AGMAT: variants seen among roughly 807,000 people sequenced by gnomAD.
The protein encoded by AGMAT is guanidino acid hydrolase, mitochondrial.
Under a neutral mutation model 29.3 loss-of-function variants are expected in AGMAT, and 37 were observed. The ratio of observed to expected loss-of-function variants is 1.26; its 90% confidence interval spans 0.97 to 1.66. The LOEUF (loss-of-function observed/expected upper bound fraction) is 1.66, where lower values mean the gene tolerates loss of function less well. AGMAT is among the 40% of genes most tolerant of loss of function. The pLI, the probability that AGMAT is intolerant of heterozygous loss-of-function variation, is 0.00. For missense variants in AGMAT, 498 were observed against 497.8 expected (o/e 1.00, Z 0.00); for synonymous variants, 199 against 200.8 (o/e 0.99, Z 0.08).
At chr1:15,577,286 C>T (rs1462446962) in intron 5 of AGMAT, among the ~76,000 whole-genome samples, 2 of 151,976 alleles carry the variant, frequency 1.3e-5, no homozygotes, top group Admixed American at 1.3e-4. Context: ...TAAAATCCTA[C>T]CTTGGCAGCC....
rs1553150128 is a variant in AGMAT at position 15,575,731 on chromosome 1, T to TTATA, written c.901-891_901-890insTATA. 6.2e-5 allele frequency: 8 copies of TTATA among 129,936 alleles called. No individual in the cohort carries two copies. In the South Asian group the frequency reaches 8.8e-4, roughly 14 times the overall value. 8.0% of individuals were successfully genotyped at this position (129,936 alleles called of 1,614,324 possible). A position where few individuals can be genotyped will look rare whatever the true frequency, so the allele number is the denominator to read the frequency against. The stretch of plus-strand genomic sequence containing the variant: ...GGTAATTGTGCCATCACATGCACTT[T>TTATA]TATTTATTTATTTATTTATTTATTT... On this transcript the variant is annotated intron_variant, in intron 5 of 6. Transcript: ENST00000375826.
At chr1:15,575,147 G>A in intron 5 of AGMAT, 1 of 224,102 alleles carries the variant, frequency 4.5e-6, no homozygotes, top group Non-Finnish European at 9.1e-6. Flanking sequence ...ATAGCCTGGA[G>A]AGGTGGGTAA....
At chr1:15,583,080 T>C in intron 2 of AGMAT, 113 bp downstream of exon 2, 1 of 908,098 alleles carries the variant, frequency 1.1e-6, no homozygotes, top group Non-Finnish European at 1.7e-6. Flanking sequence ...TCCTACTGTC[T>C]GCACATTTGC....
At chr1:15,582,231 A>C (rs1408511054) in intron 2 of AGMAT, among the ~76,000 whole-genome samples, 1 of 151,572 alleles carries the variant, frequency 6.6e-6, no homozygotes, top group Admixed American at 6.6e-5. Context: ...GTGCCATTGC[A>C]CTCCAGCCTG....
chr1:15,573,227 C>T lies in AGMAT; in HGVS notation c.*424G>A, dbSNP rs956280624. The T allele has an allele frequency of 1.3e-5, 2 of 156,682 alleles. No individual in the cohort carries two copies. Among genetic ancestry groups the T allele is most frequent in the Admixed American group, 1.3e-4 (2 of 15,802 alleles). 9.7% of individuals were successfully genotyped at this position (156,682 alleles called of 1,614,324 possible). On this transcript the variant is annotated 3_prime_UTR_variant, in exon 7 of 7. Transcript: ENST00000375826. ...TGAACCGAGATCATGCCATTGCACT[C>T]CAGCCTGGGTGACAAGCAAAACTCT...
rs36051155 is a variant in AGMAT at position 15,573,257 on chromosome 1, CA to C, written c.*393del. On this transcript the variant is annotated 3_prime_UTR_variant, in exon 7 of 7. Coordinates refer to ENST00000375826, the MANE Select transcript of AGMAT (RefSeq NM_024758.5). ...CTGGGTGACAAGCAAAACTCTATCT[CA>C]AAAAAAAAAATGTTTAAAAGGAAGA... 259 of 149,530 alleles carry C rather than the reference CA, an allele frequency of 1.7e-3. No individual in the cohort carries two copies. The highest frequency in any genetic ancestry group is 3.6e-3 in the South Asian group (18 of 5,050). The allele number at this position is 149,530 out of a possible 1,614,324, so 9.3% of individuals were successfully genotyped here. A position where few individuals can be genotyped will look rare whatever the true frequency, so the allele number is the denominator to read the frequency against.
At chr1:15,577,541 C>G (rs1195895497) in intron 5 of AGMAT, 144 bp downstream of exon 5, 1 of 878,418 alleles carries the variant, frequency 1.1e-6, no homozygotes. Context: ...CCACTGCACT[C>G]CAGCCTGGGC....
At chr1:15,582,285 A>T (rs1337346343) in intron 2 of AGMAT, among the ~76,000 whole-genome samples, 1 of 152,136 alleles carries the variant, frequency 6.6e-6, no homozygotes, top group African/African-American at 2.4e-5. Flanking sequence ...AGAAAAAAAA[A>T]AAAGATATGC....
In AGMAT at chr1:15,579,064, A is replaced by G. The variant is rs373707882; in HGVS notation, c.525-10T>C. The G allele has an allele frequency of 5.0e-6, 8 of 1,612,922 alleles. No homozygotes were observed. The highest frequency in any genetic ancestry group is 6.8e-6 in the Non-Finnish European group (8 of 1,179,522). ...CCCCACTGGGCCATGCCTGATGACA[A>G]CAGGGCAGCTCAGAGGCCAACCCTC... On this transcript the variant is annotated splice_polypyrimidine_tract_variant and intron_variant, in intron 3 of 6. Coordinates refer to ENST00000375826, the MANE Select transcript of AGMAT (RefSeq NM_024758.5).
At chr1:15,574,664 C>T in intron 6 of AGMAT, 93 bp downstream of exon 6, 1 of 1,150,924 alleles carries the variant, frequency 8.7e-7, no homozygotes, top group Non-Finnish European at 1.3e-6. Context: ...AGGCTTGGGC[C>T]ACCATGCCTG....
In AGMAT at chr1:15,581,247, C is replaced by CT. The variant is rs542841936; in HGVS notation, c.476-1106dup. 2.0e-4 allele frequency among the ~76,000 whole-genome samples: 31 copies of CT among 151,988 alleles called. 1 individual carries two copies. In the South Asian group the frequency reaches 6.2e-3, roughly 31 times the overall value. Reference sequence around the variant, plus strand: ...CCTGTAGACCCAGCTACTCGGGAGGCTGGAGTGGAAGGATCACCTGAGCCC... The same window carrying CT: ...CCTGTAGACCCAGCTACTCGGGAGGCTTGGAGTGGAAGGATCACCTGAGCCC... On this transcript the variant is annotated intron_variant, in intron 2 of 6. Coordinates refer to ENST00000375826, the MANE Select transcript of AGMAT (RefSeq NM_024758.5).
chr1:15,580,554 C>T (rs1639099064), intron 2 of AGMAT, among the ~76,000 whole-genome samples: 1 of 151,938 alleles, frequency 6.6e-6, no homozygotes, highest in Admixed American at 6.6e-5. Context: ...GGAGTTATAA[C>T]CACAGCTACA....
At chr1:15,582,266 CA>C (rs1176405737) in intron 2 of AGMAT, among the ~76,000 whole-genome samples, 2 of 135,752 alleles carry the variant, frequency 1.5e-5, no homozygotes, top group Admixed American at 7.6e-5. Flanking sequence ...AATTCTGTCT[CA>C]AAAAAAAAGA....
chr1:15,576,717 G>A (rs992099609), intron 5 of AGMAT, among the ~76,000 whole-genome samples: 1 of 115,738 alleles, frequency 8.6e-6, no homozygotes, highest in African/African-American at 3.1e-5. Context: ...CGTGAGCCAC[G>A]ACACCTGGCC....
At chr1:15,575,728 C>CA (rs1639028365) in intron 5 of AGMAT, 1 of 133,302 alleles carries the variant, frequency 7.5e-6, no homozygotes, top group South Asian at 2.6e-4. Flanking sequence ...ATCACATGCA[C>CA]TTTTATTTAT....
At position 15,583,206 on chromosome 1, in the gene AGMAT, A is replaced by T; in HGVS notation, c.462T>A (p.Ile154=). Residue 154 remains isoleucine (I), a synonymous_variant, in exon 2 of 7, where the codon ATT becomes ATA. Coordinates refer to ENST00000375826, the MANE Select transcript of AGMAT (RefSeq NM_024758.5). ...GACTGACATTACCCAAGGTCAGAGG[A>T]ATACAGCCAGCTGCTACAATTTTCT... ...AYEKIVAAGC[I]PLTLGGDHTI... is the part of the protein sequence containing the mutation. The T allele has an allele frequency of 6.2e-7, 1 of 1,614,036 alleles. No individual in the cohort carries two copies. The highest frequency in any genetic ancestry group is 8.5e-7 in the Non-Finnish European group (1 of 1,180,024).
Position 15,572,801 on chromosome 1 carries a change from C to T in AGMAT, c.*850G>A, listed in dbSNP as rs1638975969. 6.6e-6 allele frequency: 1 copy of T among 151,146 alleles called. No individual in the cohort carries two copies. Among genetic ancestry groups the T allele is most frequent in the Non-Finnish European group, 1.5e-5 (1 of 68,132 alleles). 9.4% of individuals were successfully genotyped at this position (151,146 alleles called of 1,614,324 possible). A position where few individuals can be genotyped will look rare whatever the true frequency, so the allele number is the denominator to read the frequency against. ...TAAAACCAAGATGCAGCCCTAAGCA[C>T]CTCATAGGAGAAGCTGTATTTTTTT... On this transcript the variant is annotated 3_prime_UTR_variant, in exon 7 of 7. Coordinates refer to ENST00000375826, the MANE Select transcript of AGMAT (RefSeq NM_024758.5).
rs1330151793 is a variant in AGMAT at position 15,579,021 on chromosome 1, C to T, written c.558G>A (p.Ala186=). The change falls in exon 4 of 7, where the codon GCG becomes GCA. Residue 186 remains alanine (A), a synonymous_variant. Coordinates refer to ENST00000375826, the MANE Select transcript of AGMAT (RefSeq NM_024758.5). ...HGPVGLLHVD[A]HTDTTDKALG... Reference sequence around the variant, plus strand: ...GGGCCTTGTCGGTCGTGTCCGTGTGCGCATCCACGTGCAGCAGCCCCACTG... The same window carrying T: ...GGGCCTTGTCGGTCGTGTCCGTGTGTGCATCCACGTGCAGCAGCCCCACTG... The T allele has an allele frequency of 6.8e-6, 11 of 1,613,940 alleles. No homozygotes were observed. Among genetic ancestry groups the T allele is most frequent in the African/African-American group, 1.3e-5 (1 of 74,926 alleles).
rs549021034 is a variant in AGMAT, at chr1:15,583,384, C to T, written c.284G>A (p.Arg95His). Residue 95 changes from arginine (R) to histidine (H), a missense_variant, in exon 2 of 7, where the codon CGC becomes CAC. Arg to His is a conservative substitution (Grantham distance 29). Coordinates refer to ENST00000375826, the MANE Select transcript of AGMAT (RefSeq NM_024758.5). ...CATCACTGATTCTTCCCGGATGCGGCGAGGTCCGAATCTGCAGAAGGAAGA... is the reference window on the plus strand; with the variant it reads ...CATCACTGATTCTTCCCGGATGCGGTGAGGTCCGAATCTGCAGAAGGAAGA... ...SNRPGARFGP[R>H]RIREESVMLG... The T allele has an allele frequency of 5.6e-5, 90 of 1,613,304 alleles. 1 individual carries two copies. The South Asian group carries it at 8.6e-4, about 15-fold the overall frequency.
Sources: gnomAD v4.1 joint callset for allele counts (sites outside exome capture counted in the v4.1 genomes callset) on GRCh38, gnomAD v4.1.1 for gene constraint, MANE v1.5 for transcripts, NCBI Gene and HGNC (gene_info 2026-07-23, HGNC 2026-07-21) for gene names.